CCDC180: variants seen among roughly 807,000 people sequenced by gnomAD.
CCDC180 encodes the protein coiled-coil domain containing 180, also known as coiled-coil domain-containing protein 180.
CCDC180 carries 154 observed loss-of-function variants against 209.2 expected under a neutral mutation model. That is an observed-to-expected ratio of 0.74 (90% CI 0.65 to 0.84). The LOEUF is 0.84. Ranked by LOEUF, CCDC180 falls within the 40% of genes least tolerant of loss-of-function variation. CCDC180 has a pLI of 0.00. For missense variants in CCDC180, 1,874 were observed against 1,997.3 expected, an observed-to-expected ratio of 0.94 and a Z score of 1.18; for synonymous variants, 778 against 749.1, an observed-to-expected ratio of 1.04 and a Z score of -0.63.
At chr9:97,325,432 A>G (rs993384102) in intron 14 of CCDC180, among the ~76,000 whole-genome samples, 2 of 152,212 alleles carry the variant, frequency 1.3e-5, no homozygotes, top group Non-Finnish European at 2.9e-5. Flanking sequence ...AAAGGATGGT[A>G]TCACGAATCA....
Position 97,361,754 on chromosome 9 carries a change from A to T in CCDC180, c.3512A>T (p.Asp1171Val). ...ACCATCCTGAAGGACCAGGAGGAAG[A>T]CAGTGACATCCTGACATCTTCAGAA... is the stretch of plus-strand genomic sequence containing the variant. The part of the protein sequence containing the change: ...TNTILKDQEE[D>V]SDILTSSEAL... Residue 1171 changes from aspartate (D) to valine (V), a missense_variant, in exon 27 of 37, where the codon GAC (aspartate) becomes GTC (valine). By Grantham distance (152) the Asp-to-Val change is radical. Transcript: ENST00000529487. 3 of 1,614,134 alleles carry T rather than the reference A, an allele frequency of 1.9e-6. No homozygotes were observed. The highest frequency in any genetic ancestry group is 2.5e-6 in the Non-Finnish European group (3 of 1,180,024).
intron 18 of CCDC180, among the ~76,000 whole-genome samples, chr9:97,336,631 G>T (rs1028281912): frequency 6.6e-6 from 1 of 152,184 alleles, no homozygotes; most frequent in African/African-American, 2.4e-5. Flanking sequence ...GCTTAGGATT[G>T]TCTTGGCAAT....
intron 31 of CCDC180, chr9:97,369,449 G>GTTATGTTATA (rs1202660391): frequency 2.6e-5 from 4 of 156,524 alleles, no homozygotes; most frequent in African/African-American, 9.7e-5. Flanking sequence ...GTTATGTTAT[G>GTTATGTTATA]TTATGTTATG....
In CCDC180 at chr9:97,370,014, T is replaced by C. The variant is rs1217208082; in HGVS notation, c.4282T>C (p.Phe1428Leu). ...ENFKEHHWKK[F>L]FTSVKEIRGQ... ...TTTCAAGGAACACCACTGGAAAAAGTTTTTCACCTCTGTGAAGGAGATCCG... is the reference window on the plus strand; with the variant it reads ...TTTCAAGGAACACCACTGGAAAAAGCTTTTCACCTCTGTGAAGGAGATCCG... Residue 1428 changes from phenylalanine (F) to leucine (L), a missense_variant, in exon 32 of 37, where the codon TTT becomes CTT. Coordinates refer to ENST00000529487, the MANE Select transcript of CCDC180 (RefSeq NM_020893.6). The C allele has an allele frequency of 1.2e-6, 2 of 1,613,928 alleles. No individual in the cohort carries two copies. Among genetic ancestry groups the C allele is most frequent in the Non-Finnish European group, 8.5e-7 (1 of 1,179,994 alleles).
intron 24 of CCDC180, among the ~76,000 whole-genome samples, chr9:97,355,314 C>A (rs1826547425): frequency 6.6e-6 from 1 of 152,042 alleles, no homozygotes; most frequent in African/African-American, 2.4e-5. Flanking sequence ...GCCACCATGC[C>A]CAGCCAATTT....
rs112374515 is a variant in CCDC180, at chr9:97,371,118, C to T, written c.4488+340C>T. The T allele has an allele frequency of 8.8e-3, 1,487 of 169,560 alleles. 18 individuals carry two copies. The highest frequency in any genetic ancestry group is 0.034 in the African/African-American group (1,387 of 41,294). The allele number at this position is 169,560 out of a possible 1,614,324, so 10.5% of individuals were successfully genotyped here. On this transcript the variant is annotated intron_variant, in intron 33 of 36. Transcript: ENST00000529487. Reference sequence around the variant, plus strand: ...AGCTGGGACTACAGGCGCCCGCCACCGCGCCCGGCTAATTTTTTTGTATTT... The same window carrying T: ...AGCTGGGACTACAGGCGCCCGCCACTGCGCCCGGCTAATTTTTTTGTATTT...
In CCDC180 at chr9:97,308,110, A is replaced by G. The variant is rs754807654; in HGVS notation, c.47A>G (p.Tyr16Cys). 44 of 1,609,312 alleles carry G rather than the reference A, an allele frequency of 2.7e-5. No homozygotes were observed. Among genetic ancestry groups the G allele is most frequent in the Non-Finnish European group, 3.6e-5 (42 of 1,177,774 alleles). ...KVTQVPNGKAYQQIFQAEVQL... is the reference protein window; with the variant it reads ...KVTQVPNGKACQQIFQAEVQL... ...ACCCAGGTTCCGAATGGGAAAGCCT[A>G]CCAGCAGATCTTCCAGGCTGAGGTA... The change falls in exon 2 of 37, where the codon TAC (tyrosine) becomes TGC (cysteine). Residue 16 changes from tyrosine (Y) to cysteine (C), a missense_variant. Transcript: ENST00000529487.
At chr9:97,359,931 C>G (rs1371055829) in intron 25 of CCDC180, 51 bp from the exon 26 acceptor site, 2 of 1,605,366 alleles carry the variant, frequency 1.2e-6, no homozygotes, top group African/African-American at 1.3e-5. Flanking sequence ...AATCTACCCA[C>G]CCTCCTGCAG....
Position 97,344,022 on chromosome 9 carries a change from C to T in CCDC180, c.2498+459C>T, listed in dbSNP as rs368474031. The stretch of plus-strand genomic sequence containing the variant: ...ACTCATAGAGTATATCCATGTCCAT[C>T]GCTAGAAGACATGACCAAAAGATAC... On this transcript the variant is annotated intron_variant, in intron 19 of 36. Transcript: ENST00000529487. Among the ~76,000 whole-genome samples, 26 of 152,258 alleles carry T rather than the reference C, an allele frequency of 1.7e-4. No individual in the cohort carries two copies. In the South Asian group the frequency reaches 3.1e-3, roughly 18 times the overall value.
At chr9:97,351,589 A>G (rs1056429320) in intron 22 of CCDC180, among the ~76,000 whole-genome samples, 5 of 152,240 alleles carry the variant, frequency 3.3e-5, no homozygotes, top group Non-Finnish European at 5.9e-5. Flanking sequence ...TCATTAGAGC[A>G]TAATCAAACA....
intron 11 of CCDC180, among the ~76,000 whole-genome samples, chr9:97,320,622 G>A (rs1833327953): frequency 6.6e-6 from 1 of 152,184 alleles, no homozygotes; most frequent in African/African-American, 2.4e-5. Context: ...AATAGGGATG[G>A]CAAGAGGAGT....
intron 14 of CCDC180, among the ~76,000 whole-genome samples, chr9:97,326,086 G>A (rs962843004): frequency 6.6e-6 from 1 of 152,218 alleles, no homozygotes; most frequent in Non-Finnish European, 1.5e-5. Flanking sequence ...TTGTGCACGT[G>A]TTGGGAATCA....
chr9:97,367,766 G>C (rs968076787), intron 31 of CCDC180, among the ~76,000 whole-genome samples: 1 of 152,088 alleles, frequency 6.6e-6, no homozygotes, highest in Non-Finnish European at 1.5e-5. Context: ...GAGCCACTGC[G>C]CCCAGCCAGA....
chr9:97,340,491 G>A (rs189004703), intron 18 of CCDC180, among the ~76,000 whole-genome samples: 41 of 152,262 alleles, frequency 2.7e-4, no homozygotes, highest in Admixed American at 2.3e-3. Flanking sequence ...GATTATATAC[G>A]AATATCATTA....
chr9:97,347,880 C>A (rs778574228), intron 20 of CCDC180, among the ~76,000 whole-genome samples: 1 of 152,064 alleles, frequency 6.6e-6, no homozygotes, highest in South Asian at 2.1e-4. Flanking sequence ...CTCCTGTGAC[C>A]GTGTGACCCT....
At position 97,370,679 on chromosome 9, in the gene CCDC180, C is replaced by T. The variant is rs777470035; in HGVS notation, c.4389C>T (p.His1463=). 4 of 1,613,936 alleles carry T rather than the reference C, an allele frequency of 2.5e-6. No individual in the cohort carries two copies. Among genetic ancestry groups the T allele is most frequent in the Admixed American group, 1.7e-5 (1 of 59,984 alleles). Reference sequence around the variant, plus strand: ...AGAAGCTCCATCTAAATCTTGGACACCCCGTACATTTCCAAGAAATGGAGT... The same window carrying T: ...AGAAGCTCCATCTAAATCTTGGACATCCCGTACATTTCCAAGAAATGGAGT... The part of the protein sequence containing the change: ...NAQKLHLNLG[H]PVHFQEMESL... Residue 1463 remains histidine (H), a synonymous_variant, in exon 33 of 37, where the codon CAC becomes CAT. Coordinates refer to ENST00000529487, the MANE Select transcript of CCDC180 (RefSeq NM_020893.6).
chr9:97,362,919 C>A (rs1826806937), intron 28 of CCDC180, among the ~76,000 whole-genome samples: 1 of 152,206 alleles, frequency 6.6e-6, no homozygotes, highest in African/African-American at 2.4e-5. Flanking sequence ...CTTTGCCTTT[C>A]CCTCCAGAAG....
intron 34 of CCDC180, 30 bp from the exon 35 acceptor site, chr9:97,374,513 T>G (rs1368695605): frequency 5.2e-6 from 8 of 1,550,490 alleles, no homozygotes; most frequent in Non-Finnish European, 7.1e-6. Context: ...TCGGTGAGGC[T>G]GCAGTCACTA....
intron 31 of CCDC180, among the ~76,000 whole-genome samples, chr9:97,367,733 C>T (rs1341154948): frequency 6.6e-6 from 1 of 152,154 alleles, no homozygotes; most frequent in African/African-American, 2.4e-5. Context: ...CTTGGCCTCC[C>T]AAAGTGCTGG....
Sources: allele counts gnomAD v4.1 joint callset (sites outside exome capture counted in the v4.1 genomes callset), GRCh38; gene constraint gnomAD v4.1.1; transcripts MANE v1.5; gene names NCBI Gene and HGNC (gene_info 2026-07-23, HGNC 2026-07-21).